The following DPP4 variants were observed in gnomAD, a reference collection of about 807,000 sequenced individuals.
DPP4 encodes the protein ADCP-2.
In DPP4, 93 loss-of-function variants were observed where a neutral mutation model predicts 122.4. The ratio of observed to expected loss-of-function variants is 0.76; its 90% confidence interval spans 0.64 to 0.90. The LOEUF (loss-of-function observed/expected upper bound fraction) is 0.90. Among genes scored for constraint, DPP4 ranks in the 40% least tolerant of loss-of-function variants. The pLI is 0.00. For missense variants in DPP4, 914 were observed against 907.3 expected (o/e 1.01, Z -0.09); for synonymous variants, 321 against 302.9 (o/e 1.06, Z -0.62).
intron 5 of DPP4, among the ~76,000 whole-genome samples, chr2:162,039,570 G>A (rs1310548651): frequency 6.6e-6 from 1 of 152,050 alleles, no homozygotes; most frequent in Admixed American, 6.6e-5. Flanking sequence ...TATTGCTGAT[G>A]GTGATGTGAA....
chr2:162,014,191 G>A (rs1682820350), intron 19 of DPP4, among the ~76,000 whole-genome samples: 1 of 152,144 alleles, frequency 6.6e-6, no homozygotes. Flanking sequence ...CATTATGTCA[G>A]AAAAGGAGTA....
At chr2:162,066,285 C>T (rs996908625) in intron 2 of DPP4, among the ~76,000 whole-genome samples, 66 of 151,940 alleles carry the variant, frequency 4.3e-4, no homozygotes, top group African/African-American at 1.3e-3. Context: ...ACCTCCAGTG[C>T]TACCATCCTT....
In DPP4 at chr2:161,995,662, T is replaced by C. The variant is rs541847932; in HGVS notation, c.2053-290A>G. On this transcript the variant is annotated intron_variant, in intron 23 of 25. Coordinates refer to ENST00000360534, the MANE Select transcript of DPP4 (RefSeq NM_001935.4). ...AACCCCTTGAGTCCCAGATCCCAGA[T>C]TGGCTGTGTCCTATGCATTAGCACA... is the stretch of plus-strand genomic sequence containing the variant. Among the ~76,000 whole-genome samples the C allele has an allele frequency of 5.3e-5, 8 of 152,262 alleles. No homozygotes were observed. The East Asian group carries it at 1.4e-3, about 26-fold the overall frequency.
chr2:162,052,315 T>C (rs1684411490), intron 2 of DPP4, among the ~76,000 whole-genome samples: 1 of 72,918 alleles, frequency 1.4e-5, no homozygotes, highest in Non-Finnish European at 2.4e-5. Context: ...CGAAACTCCA[T>C]CTCAAAAAAA....
chr2:162,006,738 G>A (rs1485801952), intron 22 of DPP4, among the ~76,000 whole-genome samples: 1 of 151,994 alleles, frequency 6.6e-6, no homozygotes, highest in Non-Finnish European at 1.5e-5. Flanking sequence ...AAATTATTGA[G>A]GCCAAATTGC....
chr2:162,054,187 C>T (rs1010999936), intron 2 of DPP4, among the ~76,000 whole-genome samples: 2 of 152,204 alleles, frequency 1.3e-5, no homozygotes, highest in African/African-American at 4.8e-5. Flanking sequence ...TTAACCGTTT[C>T]TTGCTATTTC....
intron 2 of DPP4, among the ~76,000 whole-genome samples, chr2:162,071,753 C>G (rs988794059): frequency 2.0e-5 from 3 of 152,206 alleles, no homozygotes; most frequent in African/African-American, 7.2e-5. Context: ...ATACCAGGTG[C>G]TATTTAGCAG....
intron 19 of DPP4, among the ~76,000 whole-genome samples, chr2:162,013,143 GA>G (rs5835890): frequency 0.69 from 97,799 of 142,136 alleles, 33,201 homozygotes; most frequent in African/African-American, 0.84. Context: ...TTTTAAAATA[GA>G]AAAAAAAAAA....
intron 2 of DPP4, among the ~76,000 whole-genome samples, chr2:162,071,691 G>A (rs1456198961): frequency 6.6e-6 from 1 of 152,146 alleles, no homozygotes; most frequent in African/African-American, 2.4e-5. Context: ...CTCTCAGGAA[G>A]TCCTCCTCAA....
chr2:162,063,174 T>C (rs1033923622), intron 2 of DPP4, among the ~76,000 whole-genome samples: 1 of 152,106 alleles, frequency 6.6e-6, no homozygotes, highest in African/African-American at 2.4e-5. Context: ...AGAACTTGCA[T>C]GGATATTGGC....
intron 9 of DPP4, among the ~76,000 whole-genome samples, chr2:162,034,009 T>A (rs535586471): frequency 6.6e-6 from 1 of 151,800 alleles, no homozygotes; most frequent in African/African-American, 2.4e-5. Context: ...ATCAACTTTA[T>A]TATTTGCAAA....
At chr2:162,018,930 T>C in intron 15 of DPP4, 80 bp from the exon 16 acceptor site, 1 of 1,552,744 alleles carries the variant, frequency 6.4e-7, no homozygotes, top group Non-Finnish European at 8.7e-7. Context: ...CATATTCTAG[T>C]TTCAAAGACA....
At chr2:162,007,053 G>T (rs1701299896) in intron 22 of DPP4, among the ~76,000 whole-genome samples, 1 of 151,668 alleles carries the variant, frequency 6.6e-6, no homozygotes, top group Admixed American at 6.6e-5. Flanking sequence ...TCAAAATATT[G>T]TCCTCCAAAA....
chr2:162,002,944 G>A (rs977913016), intron 23 of DPP4, among the ~76,000 whole-genome samples: 2 of 152,154 alleles, frequency 1.3e-5, no homozygotes, highest in Non-Finnish European at 2.9e-5. Context: ...AACTTACCAC[G>A]GTGGAGACAA....
At chr2:162,048,809 G>A (rs1462790194) in intron 2 of DPP4, among the ~76,000 whole-genome samples, 2 of 152,190 alleles carry the variant, frequency 1.3e-5, no homozygotes, top group Admixed American at 6.5e-5. Flanking sequence ...GCCTACCCAT[G>A]TGGTGTCCTC....
intron 19 of DPP4, among the ~76,000 whole-genome samples, chr2:162,012,633 C>T (rs367585422): frequency 2.1e-4 from 32 of 152,222 alleles, no homozygotes; most frequent in African/African-American, 7.0e-4. Flanking sequence ...GCAATCTTCA[C>T]AGGCTACCAT....
At chr2:162,007,277 C>T (rs1373336915) in intron 22 of DPP4, among the ~76,000 whole-genome samples, 2 of 151,872 alleles carry the variant, frequency 1.3e-5, no homozygotes, top group Non-Finnish European at 2.9e-5. Flanking sequence ...CTTTTAAGGG[C>T]GAAACACATT....
intron 2 of DPP4, among the ~76,000 whole-genome samples, chr2:162,072,199 C>T (rs1185066034): frequency 6.6e-6 from 1 of 152,112 alleles, no homozygotes; most frequent in African/African-American, 2.4e-5. Flanking sequence ...GCCTGTAAGC[C>T]CTATATTTAT....
At position 162,047,459 on chromosome 2, in the gene DPP4, G is replaced by A. The variant is rs1236016532; in HGVS notation, c.137C>T (p.Thr46Ile). 2 of 1,587,714 alleles carry A rather than the reference G, an allele frequency of 1.3e-6. No individual in the cohort carries two copies. The highest frequency in any genetic ancestry group is 1.1e-5 in the South Asian group (1 of 87,582). ...TCTATAAGTATTTTTTAAGTAATCA[G>A]TTAGAGTGTAAGTTTTGCGACTGTC... ...TADSRKTYTLTDYLKNTYRLK... is the reference protein window; with the variant it reads ...TADSRKTYTLIDYLKNTYRLK... Residue 46 changes from threonine to isoleucine, a missense_variant, in exon 3 of 26, where the codon ACT (threonine) becomes ATT (isoleucine). Coordinates refer to ENST00000360534, the MANE Select transcript of DPP4 (RefSeq NM_001935.4).
Sources: gnomAD v4.1 joint callset for allele counts (sites outside exome capture counted in the v4.1 genomes callset) on GRCh38, gnomAD v4.1.1 for gene constraint, MANE v1.5 for transcripts, NCBI Gene and HGNC (gene_info 2026-07-23, HGNC 2026-07-21) for gene names.